Variants in GRAMD1B observed in about 807,000 individuals in gnomAD.
The protein encoded by GRAMD1B is protein Aster-B.
In GRAMD1B, 37 loss-of-function variants were observed where a neutral mutation model predicts 99.7. The ratio of observed to expected loss-of-function variants is 0.37; its 90% CI spans 0.29 to 0.49. The LOEUF is 0.49. GRAMD1B is among the 20% of genes least tolerant of loss of function. GRAMD1B has a pLI of 0.98. For synonymous variants in GRAMD1B, 427 were observed against 387.6 expected (o/e 1.10, Z -1.19); for missense variants, 888 against 1,009.2 (o/e 0.88, Z 1.63).
chr11:123,397,463 C>G (rs559859453), intron 1 of GRAMD1B, among the ~76,000 whole-genome samples: 1 of 150,100 alleles, frequency 6.7e-6, no homozygotes, highest in Non-Finnish European at 1.5e-5. Context: ...AATATTTGAC[C>G]CAGGCAATCA....
At chr11:123,446,421 C>T (rs1019749246) in intron 1 of GRAMD1B, among the ~76,000 whole-genome samples, 4 of 152,142 alleles carry the variant, frequency 2.6e-5, no homozygotes, top group Non-Finnish European at 5.9e-5. Context: ...CCGCCTTGCC[C>T]TCCCAAACTG....
At chr11:123,544,478 T>C (rs1944867186) in intron 2 of GRAMD1B, among the ~76,000 whole-genome samples, 1 of 152,222 alleles carries the variant, frequency 6.6e-6, no homozygotes, top group Non-Finnish European at 1.5e-5. Context: ...CTCTTTTAGT[T>C]CATATATGTC....
chr11:123,493,285 T>A (rs2135054925), intron 2 of GRAMD1B, among the ~76,000 whole-genome samples: 1 of 152,238 alleles, frequency 6.6e-6, no homozygotes, highest in Admixed American at 6.5e-5. Context: ...CTTGTGGGGA[T>A]TGAACTGAGA....
chr11:123,586,508 C>T (rs1014825312), intron 4 of GRAMD1B, among the ~76,000 whole-genome samples: 1 of 152,224 alleles, frequency 6.6e-6, no homozygotes, highest in Non-Finnish European at 1.5e-5. Context: ...GTGGGGCGGT[C>T]CTCTCCTGGA....
At chr11:123,526,186 G>A (rs374750735) in intron 2 of GRAMD1B, 17 of 1,609,434 alleles carry the variant, frequency 1.1e-5, no homozygotes, top group African/African-American at 1.3e-5. Flanking sequence ...GTAGAGGAGG[G>A]ATAGGGCACC....
intron 2 of GRAMD1B, chr11:123,509,816 A>G (rs768402837): frequency 1.3e-5 from 2 of 152,320 alleles, no homozygotes; most frequent in East Asian, 3.8e-4. Context: ...CCTGCTGGGC[A>G]GGAAACCTAG....
chr11:123,519,603 C>T (rs1316361503), intron 2 of GRAMD1B, among the ~76,000 whole-genome samples: 1 of 152,236 alleles, frequency 6.6e-6, no homozygotes, highest in African/African-American at 2.4e-5. Flanking sequence ...CAGCACTGCT[C>T]TGCCCCAGAT....
At chr11:123,501,607 G>A (rs1344593429) in intron 2 of GRAMD1B, among the ~76,000 whole-genome samples, 1 of 152,128 alleles carries the variant, frequency 6.6e-6, no homozygotes, top group Non-Finnish European at 1.5e-5. Context: ...TGCTGGAATT[G>A]GAGCTCCAGA....
At chr11:123,604,404 G>A (rs1356310901) in intron 9 of GRAMD1B, among the ~76,000 whole-genome samples, 1 of 152,200 alleles carries the variant, frequency 6.6e-6, no homozygotes, top group Non-Finnish European at 1.5e-5. Context: ...TGGCAGCCAC[G>A]GGAAGGAAGT....
chr11:123,475,508 T>C lies in GRAMD1B; in HGVS notation c.375-5308T>C, dbSNP rs143257726. Among the ~76,000 whole-genome samples, 261 of 152,354 alleles carry C rather than the reference T, an allele frequency of 1.7e-3. 2 individuals are homozygous for C. The highest frequency in any genetic ancestry group is 3.8e-3 in the Admixed American group (58 of 15,302). ...TATACAGTGAATTTTATCTGAAGCT[T>C]GAATGTACAGCAGGAGGGATTAAAG... On this transcript the variant is annotated intron_variant, in intron 1 of 19. Transcript: ENST00000635736.
intron 3 of GRAMD1B, among the ~76,000 whole-genome samples, chr11:123,581,236 C>G (rs933533346): frequency 6.6e-6 from 1 of 152,162 alleles, no homozygotes; most frequent in Admixed American, 6.5e-5. Flanking sequence ...GTCCTGACTC[C>G]CTTCTTCCTC....
chr11:123,443,114 A>G (rs962824267), intron 1 of GRAMD1B, among the ~76,000 whole-genome samples: 3 of 152,216 alleles, frequency 2.0e-5, no homozygotes, highest in African/African-American at 7.2e-5. Flanking sequence ...CTGCGAATGT[A>G]GTCCAGCGGG....
intron 2 of GRAMD1B, among the ~76,000 whole-genome samples, chr11:123,571,820 A>G (rs1397970430): frequency 6.6e-6 from 1 of 151,980 alleles, no homozygotes; most frequent in Admixed American, 6.5e-5. Context: ...GCCACCCCGA[A>G]CATTCTCTTC....
chr11:123,617,952 A>G (rs1338686180), intron 17 of GRAMD1B, among the ~76,000 whole-genome samples: 2 of 152,164 alleles, frequency 1.3e-5, no homozygotes, highest in Admixed American at 1.3e-4. Flanking sequence ...GCCTGTCTGC[A>G]TGATCCCTGC....
chr11:123,598,748 AC>A, intron 7 of GRAMD1B: 1 of 901,522 alleles, frequency 1.1e-6, no homozygotes, highest in East Asian at 2.4e-5. Context: ...GCGTCAGAGC[AC>A]TGCTTGTCTC....
chr11:123,626,296 G>A lies in GRAMD1B; in HGVS notation c.*3701G>A, dbSNP rs1010227640. On this transcript the variant is annotated 3_prime_UTR_variant, in exon 20 of 20. Coordinates refer to ENST00000635736, the MANE Select transcript of GRAMD1B (RefSeq NM_001387025.1). Reference sequence around the variant, plus strand: ...TTAGAACACTGACACTAAGAACCTGGAATGACATGGGGAGGACAAAGAGAG... The same window carrying A: ...TTAGAACACTGACACTAAGAACCTGAAATGACATGGGGAGGACAAAGAGAG... 2.0e-5 allele frequency: 3 copies of A among 152,194 alleles called. No homozygotes were observed. The highest frequency in any genetic ancestry group is 4.4e-5 in the Non-Finnish European group (3 of 68,044). The allele number at this position is 152,194 out of a possible 1,614,324, so 9.4% of individuals were successfully genotyped here. A position where few individuals can be genotyped will look rare whatever the true frequency, so the allele number is the denominator to read the frequency against.
chr11:123,479,022 T>A (rs1951446160), intron 1 of GRAMD1B, among the ~76,000 whole-genome samples: 1 of 152,128 alleles, frequency 6.6e-6, no homozygotes, highest in Non-Finnish European at 1.5e-5. Context: ...TGAAATTTGG[T>A]TATGTGGAGT....
intron 2 of GRAMD1B, among the ~76,000 whole-genome samples, chr11:123,509,035 GT>G (rs911911745): frequency 2.0e-5 from 3 of 151,970 alleles, no homozygotes; most frequent in East Asian, 1.9e-4. Flanking sequence ...TTGCTTTGTT[GT>G]TTTTTTTCTG....
At position 123,600,520 on chromosome 11, in the gene GRAMD1B, G is replaced by C; in HGVS notation, c.1022G>C (p.Arg341Pro). The change falls in exon 8 of 20, where the codon CGG becomes CCG. Residue 341 changes from arginine to proline, a missense_variant. Arg to Pro is a moderately radical substitution (Grantham distance 103). This residue lies in a region of GRAMD1B where 269 missense variants were observed against 296.6 expected (regional missense o/e 0.91). Transcript: ENST00000635736. ...ARDRTYMMMF[R>P]LWQNALLEKP... ...GATAGGACATATATGATGATGTTCC[G>C]GCTCTGGCAGAATGCTCTCCTTGAA... 1 of 1,612,676 alleles carries C rather than the reference G, an allele frequency of 6.2e-7. No homozygotes were observed. The highest frequency in any genetic ancestry group is 8.5e-7 in the Non-Finnish European group (1 of 1,178,956).
Sources: gnomAD v4.1 joint callset for allele counts (sites outside exome capture counted in the v4.1 genomes callset) on GRCh38, gnomAD v4.1.1 for gene constraint, gnomAD v4.1.1 regional missense constraint, MANE v1.5 for transcripts, NCBI Gene and HGNC (gene_info 2026-07-23, HGNC 2026-07-21) for gene names.